MGAT4D: variants seen among roughly 807,000 people sequenced by gnomAD.
MGAT4D encodes the protein MGAT4 family member D, also known as alpha-1,3-mannosyl-glycoprotein 4-beta-N-acetylglucosaminyltransferase-like protein MGAT4D.
In MGAT4D, 34 loss-of-function variants were observed where a neutral mutation model predicts 15.9. The observed-to-expected ratio is 2.14, with a 90% CI of 1.62 to 2.84. The LOEUF is 2.84. Ranked by LOEUF, MGAT4D falls within the 30% of genes most tolerant of loss-of-function variation. MGAT4D has a pLI of 0.00. For missense variants in MGAT4D, 327 were observed against 140.2 expected, an observed-to-expected ratio of 2.33 and a Z score of -6.73; for synonymous variants, 112 against 48.2, an observed-to-expected ratio of 2.33 and a Z score of -5.49.
chr4:140,481,428 A>T (rs1034773207), intron 2 of MGAT4D, among the ~76,000 whole-genome samples: 1 of 152,182 alleles, frequency 6.6e-6, no homozygotes, highest in African/African-American at 2.4e-5. Flanking sequence ...ACATATACTT[A>T]CATATGCCCT....
rs1732513117 is a variant in MGAT4D, at chr4:140,478,854, T to C, written c.391+636A>G. Among the ~76,000 whole-genome samples the C allele has an allele frequency of 3.3e-5, 5 of 152,082 alleles. No individual in the cohort carries two copies. In the South Asian group the frequency reaches 8.3e-4, roughly 25 times the overall value. ...CTGTTGCAACTACTCAGCTCTGCCATTGGAGCACAAAAGCAGACATAGACA... is the reference window on the plus strand; with the variant it reads ...CTGTTGCAACTACTCAGCTCTGCCACTGGAGCACAAAAGCAGACATAGACA... On this transcript the variant is annotated intron_variant, in intron 3 of 10. Coordinates refer to ENST00000511113, the MANE Select transcript of MGAT4D (RefSeq NM_001277353.2).
At chr4:140,452,656 A>G (rs918462037) in intron 9 of MGAT4D, among the ~76,000 whole-genome samples, 2 of 152,162 alleles carry the variant, frequency 1.3e-5, no homozygotes, top group African/African-American at 4.8e-5. Flanking sequence ...CATATACTGA[A>G]TACATGTCCT....
intron 9 of MGAT4D, among the ~76,000 whole-genome samples, chr4:140,451,780 CCT>C (rs1730488475): frequency 6.6e-6 from 1 of 152,004 alleles, no homozygotes; most frequent in Admixed American, 6.6e-5. Context: ...AATTATATTT[CCT>C]CTCTTTCTTT....
chr4:140,444,255 T>C (rs913030770), intron 10 of MGAT4D, among the ~76,000 whole-genome samples: 52 of 152,188 alleles, frequency 3.4e-4, no homozygotes, highest in African/African-American at 1.2e-3. Flanking sequence ...GGTACATGTG[T>C]AGGTTTGTTA....
chr4:140,451,757 T>A (rs571835074), intron 9 of MGAT4D, among the ~76,000 whole-genome samples: 82 of 152,212 alleles, frequency 5.4e-4, no homozygotes, highest in African/African-American at 1.8e-3. Context: ...GAAAAGCAGG[T>A]TAGTGTTGTA....
chr4:140,448,742 A>G (rs1034022852), intron 10 of MGAT4D, among the ~76,000 whole-genome samples: 11 of 152,186 alleles, frequency 7.2e-5, no homozygotes, highest in African/African-American at 2.7e-4. Flanking sequence ...TTGCTAGAGA[A>G]CTAGTGTGGT....
At chr4:140,475,167 C>G (rs1182071993) in intron 3 of MGAT4D, among the ~76,000 whole-genome samples, 1 of 152,110 alleles carries the variant, frequency 6.6e-6, no homozygotes, top group Non-Finnish European at 1.5e-5. Context: ...AAGCACTAAA[C>G]AGACTCCAAG....
At chr4:140,471,283 C>CTTCA (rs1491339179) in intron 5 of MGAT4D, among the ~76,000 whole-genome samples, 2 of 130,578 alleles carry the variant, frequency 1.5e-5, no homozygotes, top group Non-Finnish European at 3.2e-5. Flanking sequence ...TCCTTCCTTC[C>CTTCA]TTCTCTCTCT....
Position 140,459,591 on chromosome 4 carries a change from A to G in MGAT4D, c.798T>C (p.Phe266=). The change falls in exon 8 of 11, where the codon TTT becomes TTC. Residue 266 remains phenylalanine (F), a synonymous_variant. Coordinates refer to ENST00000511113, the MANE Select transcript of MGAT4D (RefSeq NM_001277353.2). Reference sequence around the variant, plus strand: ...TACCTACAAAATCTGTTATTTTTGTAAAGTACATCTCTTTAGCTATGATAT... The same window carrying G: ...TACCTACAAAATCTGTTATTTTTGTGAAGTACATCTCTTTAGCTATGATAT... The part of the protein sequence containing the change: ...EDDIIAKEMY[F]TKITDFVGNI... 5.6e-6 allele frequency: 3 copies of G among 532,312 alleles called. No individual in the cohort carries two copies. The highest frequency in any genetic ancestry group is 1.0e-5 in the Non-Finnish European group (3 of 301,430). The allele number at this position is 532,312 out of a possible 1,614,324, so 33.0% of individuals were successfully genotyped here. A position where few individuals can be genotyped will look rare whatever the true frequency, so the allele number is the denominator to read the frequency against.
intron 8 of MGAT4D, chr4:140,458,236 T>C (rs1039180291): frequency 6.6e-5 from 10 of 152,158 alleles, no homozygotes; most frequent in African/African-American, 1.4e-4. Flanking sequence ...ACTCAGGAAA[T>C]AGATAAGCCA....
At chr4:140,477,981 G>C (rs919604130) in intron 3 of MGAT4D, among the ~76,000 whole-genome samples, 1 of 152,206 alleles carries the variant, frequency 6.6e-6, no homozygotes, top group Non-Finnish European at 1.5e-5. Flanking sequence ...AAACAAGACT[G>C]ATGATGGATT....
intron 5 of MGAT4D, among the ~76,000 whole-genome samples, chr4:140,470,148 C>A (rs2126772292): frequency 6.6e-6 from 1 of 152,370 alleles, no homozygotes; most frequent in African/African-American, 2.4e-5. Context: ...TTTCTTCTCC[C>A]TTCTGTGCTC....
intron 7 of MGAT4D, among the ~76,000 whole-genome samples, chr4:140,460,016 C>G (rs1475206493): frequency 1.3e-5 from 2 of 152,062 alleles, no homozygotes; most frequent in Non-Finnish European, 2.9e-5. Context: ...AAGTGAGCCT[C>G]CCGCCTTGGC....
At chr4:140,483,980 A>C (rs1732919377) in intron 1 of MGAT4D, among the ~76,000 whole-genome samples, 1 of 152,194 alleles carries the variant, frequency 6.6e-6, no homozygotes, top group Non-Finnish European at 1.5e-5. Flanking sequence ...ACTCCAAAAT[A>C]ACAGATAACA....
intron 1 of MGAT4D, among the ~76,000 whole-genome samples, chr4:140,493,409 CCT>C (rs1258781235): frequency 4.6e-5 from 7 of 151,382 alleles, no homozygotes; most frequent in African/African-American, 1.5e-4. Flanking sequence ...CATTCTCCTG[CCT>C]CAGCCTCCCC....
chr4:140,451,502 G>A lies in MGAT4D; in HGVS notation c.1024C>T (p.Arg342Ter), dbSNP rs62346874. Residue 342 changes from arginine to a stop codon, truncating the protein, a stop_gained, in exon 10 of 11, where the codon CGA (arginine) becomes TGA (stop). Transcript: ENST00000511113. LOFTEE classifies it high-confidence loss of function. ...AGEDLRNCMK[R>*]KKQIRIQYKP... ...TACTGAATACGTATTTGCTTCTTTC[G>A]TTTCATACAGTTTCTCTGGGGAAAA... The A allele has an allele frequency of 0.021, 11,910 of 562,614 alleles. 184 individuals are homozygous for A. The highest frequency in any genetic ancestry group is 0.028 in the Non-Finnish European group (8,742 of 307,522). 34.9% of individuals were successfully genotyped at this position (562,614 alleles called of 1,614,324 possible). A position where few individuals can be genotyped will look rare whatever the true frequency, so the allele number is the denominator to read the frequency against.
chr4:140,462,138 A>C (rs895268773), intron 6 of MGAT4D, 134 bp from the exon 7 acceptor site: 3 of 545,690 alleles, frequency 5.5e-6, no homozygotes, highest in Non-Finnish European at 9.8e-6. Context: ...ATTTTACTTA[A>C]TTAATTTCAA....
At position 140,459,646 on chromosome 4, in the gene MGAT4D, A is replaced by G; in HGVS notation, c.763-20T>C. On this transcript the variant is annotated intron_variant, in intron 7 of 10. Transcript: ENST00000511113. ...TTCTAGCTGAAAAAAAAAACCCAAA[A>G]AGACATTAATATCTTTGACGCTTCC... 2.3e-6 allele frequency: 1 copy of G among 434,888 alleles called. No homozygotes were observed. The highest frequency in any genetic ancestry group is 4.1e-6 in the Non-Finnish European group (1 of 244,396). The allele number at this position is 434,888 out of a possible 1,614,324, so 26.9% of individuals were successfully genotyped here. A position where few individuals can be genotyped will look rare whatever the true frequency, so the allele number is the denominator to read the frequency against.
At chr4:140,450,614 GAA>G (rs1196050562) in intron 10 of MGAT4D, among the ~76,000 whole-genome samples, 1 of 152,202 alleles carries the variant, frequency 6.6e-6, no homozygotes, top group Admixed American at 6.5e-5. Context: ...AGAAAAAGCA[GAA>G]AGAGGGAGAG....
Sources: allele counts gnomAD v4.1 joint callset (sites outside exome capture counted in the v4.1 genomes callset), GRCh38; gene constraint gnomAD v4.1.1; transcripts MANE v1.5; gene names NCBI Gene and HGNC (gene_info 2026-07-23, HGNC 2026-07-21).